CEP126: variants seen among roughly 807,000 people sequenced by gnomAD.
CEP126 encodes centrosomal protein of 126 kDa.
Under a neutral mutation model 107.8 loss-of-function variants are expected in CEP126, and 74 were observed. The observed-to-expected ratio is 0.69, with a 90% CI of 0.57 to 0.83. The LOEUF (loss-of-function observed/expected upper bound fraction) is 0.83, where lower values mean the gene tolerates loss of function less well. Ranked by LOEUF, CEP126 falls within the 40% of genes least tolerant of loss-of-function variation. The probability of loss-of-function intolerance (pLI) is 0.00; values close to 1 mark genes in which losing one functional copy is unlikely to be tolerated. For missense variants in CEP126, 1,237 were observed against 1,281.9 expected, an observed-to-expected ratio of 0.96 and a Z score of 0.53; for synonymous variants, 449 against 446.0, an observed-to-expected ratio of 1.01 and a Z score of -0.08.
At chr11:101,942,044 G>T (rs144020274) in intron 2 of CEP126, among the ~76,000 whole-genome samples, 71 of 152,116 alleles carry the variant, frequency 4.7e-4, no homozygotes, top group African/African-American at 1.5e-3. Flanking sequence ...ATCCTTATCA[G>T]ATATGTGATT....
chr11:101,964,606 T>A (rs1353783236), intron 6 of CEP126, among the ~76,000 whole-genome samples: 2 of 150,662 alleles, frequency 1.3e-5, no homozygotes, highest in African/African-American at 2.5e-5. Flanking sequence ...ACCACTGCAC[T>A]CCAGCCTGGG....
intron 1 of CEP126, among the ~76,000 whole-genome samples, chr11:101,916,913 A>G (rs1344622651): frequency 2.6e-5 from 4 of 152,160 alleles, no homozygotes; most frequent in Non-Finnish European, 4.4e-5. Flanking sequence ...GACATTTCCT[A>G]TAAAGAAATA....
intron 2 of CEP126, among the ~76,000 whole-genome samples, chr11:101,938,159 C>CAAAAAAAAAAAAAAAAAAAAAA (rs1491167740): frequency 3.8e-4 from 15 of 39,244 alleles, no homozygotes; most frequent in African/African-American, 9.3e-4. Context: ...GACTCTGTCT[C>CAAAAAAAAAAAAAAAAAAAAAA]AAAAAAAAAA....
chr11:101,930,221 G>T (rs1182696227), intron 2 of CEP126, among the ~76,000 whole-genome samples: 2 of 151,718 alleles, frequency 1.3e-5, no homozygotes, highest in Non-Finnish European at 2.9e-5. Flanking sequence ...AAGACCCCCA[G>T]GGATACCAAA....
At chr11:101,923,538 C>T (rs867358273) in intron 2 of CEP126, among the ~76,000 whole-genome samples, 1 of 152,090 alleles carries the variant, frequency 6.6e-6, no homozygotes, top group African/African-American at 2.4e-5. Flanking sequence ...GTTAACAAAT[C>T]CCATTTGGGG....
intron 9 of CEP126, among the ~76,000 whole-genome samples, chr11:101,991,245 A>C (rs1472882729): frequency 6.6e-6 from 1 of 152,170 alleles, no homozygotes; most frequent in East Asian, 1.9e-4. Flanking sequence ...ACACATACAC[A>C]CTACACACAC....
chr11:101,921,643 G>T (rs1280424168), intron 1 of CEP126, among the ~76,000 whole-genome samples: 1 of 143,264 alleles, frequency 7.0e-6, no homozygotes, highest in Non-Finnish European at 1.5e-5. Context: ...GGAGGCAGAG[G>T]TTGCAGTGAG....
chr11:101,989,300 G>A (rs1232836585), intron 9 of CEP126, among the ~76,000 whole-genome samples: 8 of 151,904 alleles, frequency 5.3e-5, no homozygotes, highest in Admixed American at 3.9e-4. Context: ...CCTTAACACC[G>A]TTGACATTTT....
rs1319388329 is a variant in CEP126, at chr11:101,961,735, T to A, written c.706-6T>A. The A allele has an allele frequency of 6.9e-7, 1 of 1,449,836 alleles. No individual in the cohort carries two copies. Among genetic ancestry groups the A allele is most frequent in the Non-Finnish European group, 9.3e-7 (1 of 1,070,230 alleles). The allele number at this position is 1,449,836 out of a possible 1,614,324, so 89.8% of individuals were successfully genotyped here. On this transcript the variant is annotated splice_polypyrimidine_tract_variant and splice_region_variant and intron_variant, in intron 5 of 10. Coordinates refer to ENST00000263468, the MANE Select transcript of CEP126 (RefSeq NM_020802.4). Reference sequence around the variant, plus strand: ...AGCTATAAAACAATGTTCTTTTTTTTTCCAGAAATTTTGTGATGAAGTTAA... The same window carrying A: ...AGCTATAAAACAATGTTCTTTTTTTATCCAGAAATTTTGTGATGAAGTTAA...
intron 6 of CEP126, among the ~76,000 whole-genome samples, chr11:101,974,839 A>G (rs886666088): frequency 3.3e-5 from 5 of 152,214 alleles, no homozygotes; most frequent in Admixed American, 2.6e-4. Context: ...AGTTTTAAGT[A>G]TATACTGTGT....
At chr11:101,976,610 G>A (rs1441925) in intron 6 of CEP126, among the ~76,000 whole-genome samples, 8,342 of 152,094 alleles carry the variant, frequency 0.055, 445 homozygotes, top group East Asian at 0.26. Context: ...TATGCATATC[G>A]ATGCCCCAGA....
At position 101,962,402 on chromosome 11, in the gene CEP126, G is replaced by A. The variant is rs149377851; in HGVS notation, c.1367G>A (p.Cys456Tyr). ...GGAACTACTTCAATTCCTACTTCAT[G>A]TGTACCAGTGGCAACGCCTTTAGTT... ...ENGTTSIPTS[C>Y]VPVATPLVLP... is the part of the protein sequence containing the mutation. The change falls in exon 6 of 11, where the codon TGT (cysteine) becomes TAT (tyrosine). Residue 456 changes from cysteine to tyrosine, a missense_variant. This residue lies in a region of CEP126 where 1,134 missense variants were observed against 1,150.5 expected (regional missense o/e 0.99). Transcript: ENST00000263468. The A allele has an allele frequency of 1.2e-6, 2 of 1,613,780 alleles. No homozygotes were observed. Among genetic ancestry groups the A allele is most frequent in the African/African-American group, 2.7e-5 (2 of 74,926 alleles).
At chr11:101,960,926 A>G (rs1940961335) in intron 5 of CEP126, among the ~76,000 whole-genome samples, 1 of 152,046 alleles carries the variant, frequency 6.6e-6, no homozygotes, top group African/African-American at 2.4e-5. Context: ...TATGTGTGAG[A>G]AAACAGAAAT....
chr11:101,945,535 G>C (rs1363700166), intron 3 of CEP126, among the ~76,000 whole-genome samples: 1 of 152,162 alleles, frequency 6.6e-6, no homozygotes, highest in Non-Finnish European at 1.5e-5. Flanking sequence ...AGGGCAGCTA[G>C]TAAAACTGCG....
Position 101,962,485 on chromosome 11 carries a change from G to T in CEP126, c.1450G>T (p.Glu484Ter). The stretch of plus-strand genomic sequence containing the variant: ...AGCAAAGAACAGTATACACATAAAA[G>T]AAATTGATGCAGTGCAGTGTTCTGA... The part of the protein sequence containing the change: ...PSAKNSIHIK[E>*]IDAVQCSDKL... Residue 484 changes from glutamate (E) to a stop codon, truncating the protein, a stop_gained, in exon 6 of 11, where the codon GAA becomes TAA. Coordinates refer to ENST00000263468, the MANE Select transcript of CEP126 (RefSeq NM_020802.4). LOFTEE classifies it high-confidence loss of function. 2 of 1,613,078 alleles carry T rather than the reference G, an allele frequency of 1.2e-6. No homozygotes were observed. The highest frequency in any genetic ancestry group is 2.2e-5 in the East Asian group (1 of 44,858).
At chr11:101,939,195 T>C (rs1940633150) in intron 2 of CEP126, among the ~76,000 whole-genome samples, 1 of 152,184 alleles carries the variant, frequency 6.6e-6, no homozygotes, top group African/African-American at 2.4e-5. Flanking sequence ...CACCTAGGAT[T>C]GTGGATTTGT....
At chr11:101,934,611 T>C (rs11225072) in intron 2 of CEP126, among the ~76,000 whole-genome samples, 8,587 of 152,150 alleles carry the variant, frequency 0.056, 478 homozygotes, top group East Asian at 0.28. Context: ...CTGAAACCTC[T>C]TGCAGTCAAT....
chr11:101,958,606 C>T (rs1215494054), intron 5 of CEP126, among the ~76,000 whole-genome samples: 2 of 152,014 alleles, frequency 1.3e-5, no homozygotes, highest in Non-Finnish European at 2.9e-5. Flanking sequence ...AAAAAGCAAC[C>T]AGAAAATTAT....
chr11:101,972,202 G>A (rs994031903), intron 6 of CEP126, among the ~76,000 whole-genome samples: 28 of 151,400 alleles, frequency 1.8e-4, no homozygotes, highest in African/African-American at 6.3e-4. Flanking sequence ...CGAGGCGGGC[G>A]GATCACGAGG....
Sources: allele counts gnomAD v4.1 joint callset (sites outside exome capture counted in the v4.1 genomes callset), GRCh38; gene constraint gnomAD v4.1.1; regional missense constraint gnomAD v4.1.1; transcripts MANE v1.5; gene names NCBI Gene and HGNC (gene_info 2026-07-23, HGNC 2026-07-21).